Variants in ATP8B1 observed in about 807,000 individuals in gnomAD.
ATP8B1 encodes ATPase phospholipid transporting 8B1.
Under a neutral mutation model 149.9 loss-of-function variants are expected in ATP8B1, and 80 were observed. That is an observed-to-expected ratio of 0.53 (90% confidence interval 0.45 to 0.64). The LOEUF is 0.64. ATP8B1 is among the 30% of genes least tolerant of loss of function. ATP8B1 has a pLI of 0.00. For missense variants in ATP8B1, 1,247 were observed against 1,552.6 expected, an observed-to-expected ratio of 0.80 and a Z score of 3.31; for synonymous variants, 536 against 562.8, an observed-to-expected ratio of 0.95 and a Z score of 0.67.
intron 1 of ATP8B1, among the ~76,000 whole-genome samples, chr18:57,801,596 G>T (rs1454439639): frequency 6.6e-6 from 1 of 152,114 alleles, no homozygotes; most frequent in Non-Finnish European, 1.5e-5. Context: ...ATATATACGG[G>T]CTCGTATTCA....
chr18:57,652,553 C>G lies in ATP8B1; in HGVS notation c.3192G>C (p.Glu1064Asp). ...CAAAAGACTGGTAGTCGGAAGGTGC[C>G]TCTCCATCCTGCCCTACGGTTTGCA... is the stretch of plus-strand genomic sequence containing the variant. ...AYLQTVGQDG[E>D]APSDYQSFAV... Residue 1064 changes from glutamate to aspartate, a missense_variant, in exon 25 of 28, where the codon GAG (glutamate) becomes GAC (aspartate). Physicochemically the swap from Glu to Asp is conservative, Grantham distance 45. This residue lies in a region of ATP8B1 where 230 missense variants were observed against 356.6 expected (regional missense o/e 0.65). Coordinates refer to ENST00000648908, the MANE Select transcript of ATP8B1 (RefSeq NM_001374385.1). 1.2e-6 allele frequency: 2 copies of G among 1,614,140 alleles called. No individual in the cohort carries two copies. Among genetic ancestry groups the G allele is most frequent in the Non-Finnish European group, 1.7e-6 (2 of 1,180,032 alleles).
chr18:57,767,374 G>A (rs1204611797), intron 1 of ATP8B1, among the ~76,000 whole-genome samples: 1 of 152,178 alleles, frequency 6.6e-6, no homozygotes, highest in Non-Finnish European at 1.5e-5. Context: ...GTGCCATCCA[G>A]TACAGTGGCC....
chr18:57,791,691 TAC>T (rs1568073653), intron 1 of ATP8B1, among the ~76,000 whole-genome samples: 1 of 152,184 alleles, frequency 6.6e-6, no homozygotes, highest in African/African-American at 2.4e-5. Flanking sequence ...ATCATATGGG[TAC>T]ACCAATTTTG....
At chr18:57,712,021 T>G (rs1217922819) in intron 2 of ATP8B1, among the ~76,000 whole-genome samples, 1 of 149,456 alleles carries the variant, frequency 6.7e-6, no homozygotes, top group Non-Finnish European at 1.5e-5. Flanking sequence ...AAGCAATGTT[T>G]GTGATTCCTC....
At chr18:57,778,317 C>G (rs150180649) in intron 1 of ATP8B1, among the ~76,000 whole-genome samples, 3,499 of 150,520 alleles carry the variant, frequency 0.023, 76 homozygotes, top group Non-Finnish European at 0.028. Flanking sequence ...GCTCCGCCTT[C>G]CAGGTTCACG....
intron 16 of ATP8B1, among the ~76,000 whole-genome samples, chr18:57,674,260 A>G (rs1206919169): frequency 1.1e-5 from 1 of 87,630 alleles, no homozygotes; most frequent in African/African-American, 3.3e-5. Flanking sequence ...AAAAAAAAAG[A>G]AAAGAAAAGA....
intron 3 of ATP8B1, among the ~76,000 whole-genome samples, chr18:57,705,683 C>T (rs1204502554): frequency 2.0e-5 from 3 of 152,170 alleles, no homozygotes; most frequent in Non-Finnish European, 4.4e-5. Context: ...ACAGATTCTC[C>T]TGCAGAGGCT....
chr18:57,653,511 C>A (rs1255165395), intron 24 of ATP8B1, among the ~76,000 whole-genome samples: 3 of 151,810 alleles, frequency 2.0e-5, no homozygotes, highest in Non-Finnish European at 2.9e-5. Context: ...GTCTCAAACT[C>A]CTGACCTGAA....
intron 1 of ATP8B1, among the ~76,000 whole-genome samples, chr18:57,760,048 C>A (rs766915496): frequency 8.5e-5 from 13 of 152,108 alleles, no homozygotes; most frequent in Non-Finnish European, 1.8e-4. Context: ...GCTATCACTC[C>A]AAACCCTCTA....
At chr18:57,716,041 A>G (rs1307907185) in intron 2 of ATP8B1, among the ~76,000 whole-genome samples, 1 of 152,186 alleles carries the variant, frequency 6.6e-6, no homozygotes, top group Non-Finnish European at 1.5e-5. Context: ...TTCAAGACAT[A>G]GTACAATAAG....
intron 21 of ATP8B1, among the ~76,000 whole-genome samples, chr18:57,661,673 A>ATGCACACATATATGTATGTGTGTATG (rs1284780812): frequency 6.4e-5 from 1 of 15,728 alleles, no homozygotes; most frequent in Non-Finnish European, 1.6e-4. Context: ...GTGTGTATGT[A>ATGCACACATATATGTATGTGTGTATG]TATACACACA....
In ATP8B1 at chr18:57,688,306, C is replaced by G; in HGVS notation, c.1422G>C (p.Gln474His). ...GTGACGGCTTCCACTTACCATATATCTGCCCGTTGATACAGCACTTTTTAA... is the reference window on the plus strand; with the variant it reads ...GTGACGGCTTCCACTTACCATATATGTGCCCGTTGATACAGCACTTTTTAA... The part of the protein sequence containing the change: ...MTFKKCCING[Q>H]IYGDHRDASQ... Residue 474 changes from glutamine to histidine, a missense_variant, in exon 13 of 28, where the codon CAG becomes CAC. Physicochemically the swap from Gln to His is conservative, Grantham distance 24. Coordinates refer to ENST00000648908, the MANE Select transcript of ATP8B1 (RefSeq NM_001374385.1). The G allele has an allele frequency of 6.2e-7, 1 of 1,614,038 alleles. No individual in the cohort carries two copies. Among genetic ancestry groups the G allele is most frequent in the Non-Finnish European group, 8.5e-7 (1 of 1,179,964 alleles).
chr18:57,731,959 T>C (rs1482389597), intron 1 of ATP8B1, 127 bp from the exon 2 acceptor site: 1 of 891,756 alleles, frequency 1.1e-6, no homozygotes, highest in African/African-American at 1.6e-5. Context: ...TCTGGAATAG[T>C]ACCCCCAAAT....
chr18:57,763,647 T>C (rs1340641880), intron 1 of ATP8B1, among the ~76,000 whole-genome samples: 1 of 151,070 alleles, frequency 6.6e-6, no homozygotes, highest in African/African-American at 2.4e-5. Flanking sequence ...AGTAAGTAAA[T>C]TGAAGAAAGT....
intron 20 of ATP8B1, among the ~76,000 whole-genome samples, chr18:57,663,165 C>G (rs1443143959): frequency 6.6e-6 from 1 of 152,196 alleles, no homozygotes; most frequent in African/African-American, 2.4e-5. Context: ...CTAGATACCT[C>G]ATATATGTGA....
In ATP8B1 at chr18:57,719,502, C is replaced by T. The variant is rs371392450; in HGVS notation, c.181+12125G>A. 7.7e-3 allele frequency among the ~76,000 whole-genome samples: 1,164 copies of T among 152,046 alleles called. 13 individuals are homozygous for T. Among genetic ancestry groups the T allele is most frequent in the East Asian group, 0.046 (240 of 5,176 alleles). ...CCGAGTCAAAGAAAGGGGTGACGGA[C>T]GCACCTGGAAAATCGGGTCACTCCC... On this transcript the variant is annotated intron_variant, in intron 2 of 27. Coordinates refer to ENST00000648908, the MANE Select transcript of ATP8B1 (RefSeq NM_001374385.1).
At chr18:57,712,520 C>T (rs576523792) in intron 2 of ATP8B1, among the ~76,000 whole-genome samples, 6 of 151,884 alleles carry the variant, frequency 4.0e-5, no homozygotes, top group South Asian at 4.1e-4. Context: ...TGGCAAACCT[C>T]GTCACCGAGG....
At chr18:57,661,545 G>A in intron 21 of ATP8B1, 83 bp from the exon 22 acceptor site, 6 of 1,451,692 alleles carry the variant, frequency 4.1e-6, no homozygotes, top group Non-Finnish European at 4.7e-6. Flanking sequence ...ATTATGTGAA[G>A]GATAATTTTT....
At chr18:57,797,681 A>G (rs1463769136) in intron 1 of ATP8B1, among the ~76,000 whole-genome samples, 1 of 147,148 alleles carries the variant, frequency 6.8e-6, no homozygotes, top group Non-Finnish European at 1.5e-5. Context: ...GAGAGCAGAC[A>G]CCTGATCTGC....
Sources: allele counts gnomAD v4.1 joint callset (sites outside exome capture counted in the v4.1 genomes callset), GRCh38; gene constraint gnomAD v4.1.1; regional missense constraint gnomAD v4.1.1; transcripts MANE v1.5; gene names NCBI Gene and HGNC (gene_info 2026-07-23, HGNC 2026-07-21).